SP2: variants seen among roughly 807,000 people sequenced by gnomAD.
The protein encoded by SP2 is transcription factor Sp2.
In SP2, 9 loss-of-function variants were observed where a neutral mutation model predicts 50.1. That is an observed-to-expected ratio of 0.18 (90% CI 0.11 to 0.31). SP2 has a LOEUF of 0.31. Among genes scored for constraint, SP2 ranks in the 10% least tolerant of loss-of-function variants. SP2 has a pLI of 1.00. For missense variants in SP2, 581 were observed against 806.5 expected (o/e 0.72, Z 3.39); for synonymous variants, 313 against 326.6 (o/e 0.96, Z 0.45).
chr17:47,923,826 C>T (rs1313981327), intron 4 of SP2, among the ~76,000 whole-genome samples: 4 of 152,000 alleles, frequency 2.6e-5, no homozygotes, highest in African/African-American at 7.3e-5. Flanking sequence ...TTCAGCCTCC[C>T]GAGTAGCTGG....
intron 1 of SP2, among the ~76,000 whole-genome samples, chr17:47,905,557 T>C (rs976401149): frequency 6.6e-6 from 1 of 152,244 alleles, no homozygotes; most frequent in African/African-American, 2.4e-5. Context: ...TAGGCGCGTT[T>C]TCTCATTTGC....
At position 47,916,994 on chromosome 17, in the gene SP2, C is replaced by T. The variant is rs2035235723; in HGVS notation, c.923C>T (p.Ala308Val). ...VQQVQVVPPK[A>V]EQQQVVQIPQ... is the part of the protein sequence containing the mutation. The stretch of plus-strand genomic sequence containing the variant: ...CAGGTCCAGGTGGTGCCCCCCAAGG[C>T]CGAGCAGCAGCAGGTGGTACAGATC... The change falls in exon 3 of 7, where the codon GCC becomes GTC. Residue 308 changes from alanine to valine, a missense_variant. This residue lies in a region of SP2 where 397 missense variants were observed against 491.0 expected (regional missense o/e 0.81). Transcript: ENST00000376741. This position sits in a 1 kb window ranked among gnomAD's most constrained non-coding sequence, Gnocchi z 4.7. 1 of 1,614,070 alleles carries T rather than the reference C, an allele frequency of 6.2e-7. No individual in the cohort carries two copies. Among genetic ancestry groups the T allele is most frequent in the African/African-American group, 1.3e-5 (1 of 74,940 alleles).
At chr17:47,903,654 G>T (rs944205255) in intron 1 of SP2, among the ~76,000 whole-genome samples, 2 of 147,406 alleles carry the variant, frequency 1.4e-5, no homozygotes, top group Non-Finnish European at 3.0e-5. Flanking sequence ...AGAGCAACAC[G>T]GATGACGTGG....
intron 3 of SP2, 53 bp from the exon 4 acceptor site, chr17:47,922,909 C>T (rs1267895630): frequency 1.3e-6 from 2 of 1,531,380 alleles, no homozygotes; most frequent in East Asian, 2.3e-5. Context: ...TTTGAAGGCC[C>T]CAGGAACCTA....
At chr17:47,924,134 G>T (rs375367808) in intron 4 of SP2, among the ~76,000 whole-genome samples, 10 of 143,096 alleles carry the variant, frequency 7.0e-5, no homozygotes, top group African/African-American at 2.3e-4. Flanking sequence ...GTGTTTTTTG[G>T]TTTTTTTTTT....
chr17:47,919,306 A>G lies in SP2; in HGVS notation c.1059+2176A>G, dbSNP rs549827246. 1.6e-3 allele frequency among the ~76,000 whole-genome samples: 241 copies of G among 152,256 alleles called. 1 individual carries two copies. The highest frequency in any genetic ancestry group is 5.7e-3 in the African/African-American group (236 of 41,550). On this transcript the variant is annotated intron_variant, in intron 3 of 6. Coordinates refer to ENST00000376741, the MANE Select transcript of SP2 (RefSeq NM_003110.6). ...ACACCTGTAGTCCCAGCTATTCAGG[A>G]GGCTGAGGTGGGAGGATCACTTGAA...
In SP2 at chr17:47,916,803, C is replaced by T. The variant is rs1382715280; in HGVS notation, c.732C>T (p.Asn244=). The change falls in exon 3 of 7, where the codon AAC becomes AAT. Residue 244 remains asparagine, a synonymous_variant. Coordinates refer to ENST00000376741, the MANE Select transcript of SP2 (RefSeq NM_003110.6). The surrounding 1 kb of genome is among the most constrained non-coding windows in gnomAD (Gnocchi z 4.7). ...ESPPTPLSKT[N]KKARKKSLPA... is the part of the protein sequence containing the mutation. ...CCCCAACCCCGCTGTCTAAGACTAA[C>T]AAGAAAGCAAGGAAGAAGAGCCTTC... 13 of 1,613,996 alleles carry T rather than the reference C, an allele frequency of 8.1e-6. No individual in the cohort carries two copies. The highest frequency in any genetic ancestry group is 1.0e-5 in the Non-Finnish European group (12 of 1,179,966).
chr17:47,922,848 G>A, intron 3 of SP2, 114 bp from the exon 4 acceptor site: 1 of 874,798 alleles, frequency 1.1e-6, no homozygotes, highest in Non-Finnish European at 1.8e-6. Flanking sequence ...TGGGTGAATT[G>A]AAGAGACTTT....
chr17:47,917,076 C>G lies in SP2; in HGVS notation c.1005C>G (p.Pro335=), dbSNP rs151058054. The stretch of plus-strand genomic sequence containing the variant: ...CATCTGCCACCCTCCCCACTGTACC[C>G]CAGAAGCCCTCCCAGAACTTTCAGA... ...QAASATLPTV[P]QKPSQNFQIQ... Residue 335 remains proline (P), a synonymous_variant, in exon 3 of 7, where the codon CCC becomes CCG. Transcript: ENST00000376741. 6.2e-7 allele frequency: 1 copy of G among 1,613,488 alleles called. No individual in the cohort carries two copies. The highest frequency in any genetic ancestry group is 8.5e-7 in the Non-Finnish European group (1 of 1,179,836).
At position 47,925,466 on chromosome 17, in the gene SP2, G is replaced by T. The variant is rs747289612; in HGVS notation, c.1666G>T (p.Val556Phe). ...CCTGCACACTGGCGAGCGGCCCTTTGTCTGCAACTGGTTCTTCTGTGGGAA... is the reference window on the plus strand; with the variant it reads ...CCTGCACACTGGCGAGCGGCCCTTTTTCTGCAACTGGTTCTTCTGTGGGAA... ...VRLHTGERPF[V>F]CNWFFCGKRF... Residue 556 changes from valine to phenylalanine, a missense_variant, in exon 6 of 7, where the codon GTC becomes TTC. This residue lies in a region of SP2 where 184 missense variants were observed against 315.5 expected (regional missense o/e 0.58). Coordinates refer to ENST00000376741, the MANE Select transcript of SP2 (RefSeq NM_003110.6). 4.2e-5 allele frequency: 68 copies of T among 1,614,128 alleles called. No individual in the cohort carries two copies. The highest frequency in any genetic ancestry group is 5.7e-5 in the Non-Finnish European group (67 of 1,180,060).
intron 3 of SP2, among the ~76,000 whole-genome samples, chr17:47,921,918 G>A (rs981168488): frequency 2.5e-4 from 38 of 152,164 alleles, no homozygotes; most frequent in African/African-American, 8.9e-4. Flanking sequence ...CAATGTCTAC[G>A]TAGATAGATG....
intron 4 of SP2, 126 bp from the exon 5 acceptor site, chr17:47,924,793 A>AGTC (rs2035583854): frequency 1.2e-6 from 1 of 811,668 alleles, no homozygotes; most frequent in Non-Finnish European, 1.9e-6. Context: ...ATGATATCCA[A>AGTC]CATACAGCAG....
At chr17:47,896,683 C>T (rs554619403) in intron 1 of SP2, among the ~76,000 whole-genome samples, 1 of 152,378 alleles carries the variant, frequency 6.6e-6, no homozygotes, top group East Asian at 1.9e-4. Context: ...AGGCAGCCAA[C>T]AGCCCTTGTG....
chr17:47,898,129 A>C (rs1331389260), intron 1 of SP2: 2 of 152,348 alleles, frequency 1.3e-5, no homozygotes, highest in Non-Finnish European at 2.9e-5. Context: ...CCCAACGGGG[A>C]GAACTGGCTC....
At chr17:47,926,323 T>TG (rs1382519435) in intron 6 of SP2, among the ~76,000 whole-genome samples, 4 of 151,152 alleles carry the variant, frequency 2.6e-5, no homozygotes, top group Non-Finnish European at 5.9e-5. Context: ...TTGTTTTTTT[T>TG]TTTTTTTAAG....
At chr17:47,917,170 G>A in intron 3 of SP2, 40 bp downstream of exon 3, 1 of 1,540,238 alleles carries the variant, frequency 6.5e-7, no homozygotes, top group Non-Finnish European at 8.8e-7. Context: ...TCCTCCTCTG[G>A]TTATCTCTTT....
rs369393595 is a variant in SP2, at chr17:47,928,808, CTTTATT to C, written c.*989_*994del. 743 of 152,698 alleles carry C rather than the reference CTTTATT, an allele frequency of 4.9e-3. 5 individuals carry two copies. The highest frequency in any genetic ancestry group is 0.011 in the African/African-American group (478 of 41,566). The allele number at this position is 152,698 out of a possible 1,614,324, so 9.5% of individuals were successfully genotyped here. A position where few individuals can be genotyped will look rare whatever the true frequency, so the allele number is the denominator to read the frequency against. On this transcript the variant is annotated 3_prime_UTR_variant, in exon 7 of 7. Coordinates refer to ENST00000376741, the MANE Select transcript of SP2 (RefSeq NM_003110.6). ...GCTTTTAAATTAAACAAAAATCCAA[CTTTATT>C]TTTAGTTGTAACTGCTTGAGGTATG... is the stretch of plus-strand genomic sequence containing the variant.
Position 47,896,259 on chromosome 17 carries a change from G to GGCGGAGGCC in SP2, c.-27_-19dup, listed in dbSNP as rs2034322175. 1 of 1,235,030 alleles carries GGCGGAGGCC rather than the reference G, an allele frequency of 8.1e-7. No homozygotes were observed. Among genetic ancestry groups the GGCGGAGGCC allele is most frequent in the Non-Finnish European group, 1.0e-6 (1 of 987,458 alleles). 76.5% of individuals were successfully genotyped at this position (1,235,030 alleles called of 1,614,324 possible). On this transcript the variant is annotated 5_prime_UTR_variant, in exon 1 of 7. Transcript: ENST00000376741. ...TCAGGCTCTCGGTGGCGGCGGAGGC[G>GGCGGAGGCC]GCGGAGGCCAGGGAGGAAGATGTCG... is the stretch of plus-strand genomic sequence containing the variant.
chr17:47,927,667 G>A, intron 6 of SP2, 57 bp from the exon 7 acceptor site: 1 of 1,230,906 alleles, frequency 8.1e-7, no homozygotes, highest in Non-Finnish European at 1.2e-6. Flanking sequence ...CACCTTTTTG[G>A]GCAGAGACAG....
Sources: allele counts gnomAD v4.1 joint callset (sites outside exome capture counted in the v4.1 genomes callset), GRCh38; gene constraint gnomAD v4.1.1; regional missense constraint gnomAD v4.1.1; non-coding constraint Gnocchi (gnomAD v3.1); transcripts MANE v1.5; gene names NCBI Gene and HGNC (gene_info 2026-07-23, HGNC 2026-07-21).